The following CACNG8 variants were observed in gnomAD, a reference collection of about 807,000 sequenced individuals.
CACNG8 encodes the protein voltage-dependent calcium channel gamma-8 subunit.
In CACNG8, 5 loss-of-function variants were observed where a neutral mutation model predicts 26.9. The observed-to-expected ratio is 0.19, with a 90% CI of 0.10 to 0.39. The LOEUF (loss-of-function observed/expected upper bound fraction) is 0.39. CACNG8 is among the 10% of genes least tolerant of loss of function. CACNG8 has a pLI of 1.00. For missense variants in CACNG8, 473 were observed against 609.4 expected (o/e 0.78, Z 2.36); for synonymous variants, 321 against 296.7 (o/e 1.08, Z -0.84).
At chr19:53,978,757 A>G (rs954894348) in intron 2 of CACNG8, among the ~76,000 whole-genome samples, 1 of 141,738 alleles carries the variant, frequency 7.1e-6, no homozygotes, top group Non-Finnish European at 1.5e-5. Flanking sequence ...ACTGCAGAGA[A>G]AAAGAGGAGG....
At position 53,985,284 on chromosome 19, in the gene CACNG8, G is replaced by A. The variant is rs1040352215; in HGVS notation, c.*2435G>A. On this transcript the variant is annotated 3_prime_UTR_variant, in exon 4 of 4. Transcript: ENST00000270458. Reference sequence around the variant, plus strand: ...CGCAGCTTGAGGAGGACGTGGCAGCGGTGGTGCCATGCTGCCAGGGGCTCT... The same window carrying A: ...CGCAGCTTGAGGAGGACGTGGCAGCAGTGGTGCCATGCTGCCAGGGGCTCT... 3.0e-4 allele frequency: 45 copies of A among 151,990 alleles called. 2 individuals are homozygous for A. Among genetic ancestry groups the A allele is most frequent in the Non-Finnish European group, 1.5e-5 (1 of 68,078 alleles). 9.4% of individuals were successfully genotyped at this position (151,990 alleles called of 1,614,324 possible). A position where few individuals can be genotyped will look rare whatever the true frequency, so the allele number is the denominator to read the frequency against.
Position 53,982,528 on chromosome 19 carries a change from C to T in CACNG8, c.957C>T (p.Ala319=). 2 of 1,334,174 alleles carry T rather than the reference C, an allele frequency of 1.5e-6. No homozygotes were observed. Among genetic ancestry groups the T allele is most frequent in the Non-Finnish European group, 1.9e-6 (2 of 1,047,608 alleles). The allele number at this position is 1,334,174 out of a possible 1,614,324, so 82.6% of individuals were successfully genotyped here. Residue 319 remains alanine, a synonymous_variant, in exon 4 of 4, where the codon GCC becomes GCT. Transcript: ENST00000270458. The surrounding 1 kb of genome is among the most constrained non-coding windows in gnomAD (Gnocchi z 8.4). ...GCGACCCCTCCAAGGGCAGCGTGGCCGCGGGGCTGGCGGGGGCCGGCGGCG... is the reference window on the plus strand; with the variant it reads ...GCGACCCCTCCAAGGGCAGCGTGGCTGCGGGGCTGGCGGGGGCCGGCGGCG...
Position 53,980,258 on chromosome 19 carries a change from C to A in CACNG8, c.508+251C>A, listed in dbSNP as rs946975781. Among the ~76,000 whole-genome samples the A allele has an allele frequency of 2.0e-5, 3 of 151,964 alleles. No homozygotes were observed. The East Asian group carries it at 5.8e-4, about 30-fold the overall frequency. ...CTTCGGAGGAGTAAACCGACACAGG[C>A]AGGTGTCTGGCGCGTAAGACGCCGG... is the stretch of plus-strand genomic sequence containing the variant. On this transcript the variant is annotated intron_variant, in intron 3 of 3. Transcript: ENST00000270458.
chr19:53,973,788 T>C (rs2069315694), intron 1 of CACNG8, among the ~76,000 whole-genome samples: 1 of 152,080 alleles, frequency 6.6e-6, no homozygotes, highest in Middle Eastern at 3.4e-3. Flanking sequence ...ATCGAGCCAT[T>C]GCACTCCAGC....
In CACNG8 at chr19:53,984,527, A is replaced by T. The variant is rs1331809930; in HGVS notation, c.*1678A>T. ...GAAAGGCTTGTGGGGCCAAAGAACAACTTGGGTGAAAACGGGAGGAAGTGA... is the reference window on the plus strand; with the variant it reads ...GAAAGGCTTGTGGGGCCAAAGAACATCTTGGGTGAAAACGGGAGGAAGTGA... On this transcript the variant is annotated 3_prime_UTR_variant, in exon 4 of 4. Transcript: ENST00000270458. 1 of 152,380 alleles carries T rather than the reference A, an allele frequency of 6.6e-6. No individual in the cohort carries two copies. The highest frequency in any genetic ancestry group is 1.5e-5 in the Non-Finnish European group (1 of 68,116). 9.4% of individuals were successfully genotyped at this position (152,380 alleles called of 1,614,324 possible). A position where few individuals can be genotyped will look rare whatever the true frequency, so the allele number is the denominator to read the frequency against.
At chr19:53,971,836 C>T (rs1320282705) in intron 1 of CACNG8, among the ~76,000 whole-genome samples, 1 of 152,212 alleles carries the variant, frequency 6.6e-6, no homozygotes, top group Non-Finnish European at 1.5e-5. Flanking sequence ...GTCCGCACTG[C>T]AAGAAAGCTG....
chr19:53,974,425 T>C (rs1014005697), intron 1 of CACNG8, among the ~76,000 whole-genome samples: 2 of 152,184 alleles, frequency 1.3e-5, no homozygotes, highest in African/African-American at 4.8e-5. Context: ...CACGAGTGTA[T>C]GAATATCTAT....
At position 53,986,063 on chromosome 19, in the gene CACNG8, AAGAC is replaced by A. The variant is rs1396170253; in HGVS notation, c.*3217_*3220del. 2 of 152,542 alleles carry A rather than the reference AAGAC, an allele frequency of 1.3e-5. No homozygotes were observed. Among genetic ancestry groups the A allele is most frequent in the Non-Finnish European group, 1.5e-5 (1 of 68,172 alleles). The allele number at this position is 152,542 out of a possible 1,614,324, so 9.4% of individuals were successfully genotyped here. A position where few individuals can be genotyped will look rare whatever the true frequency, so the allele number is the denominator to read the frequency against. ...AGAGTCACAGACAGAGAAAAAGTCAAAGACAGGAAGGTGATACAGAGGAGAGAGA... is the reference window on the plus strand; with the variant it reads ...AGAGTCACAGACAGAGAAAAAGTCAAAGGAAGGTGATACAGAGGAGAGAGA... On this transcript the variant is annotated 3_prime_UTR_variant, in exon 4 of 4. Coordinates refer to ENST00000270458, the MANE Select transcript of CACNG8 (RefSeq NM_031895.6).
chr19:53,980,575 C>G (rs1408040230), intron 3 of CACNG8, among the ~76,000 whole-genome samples: 1 of 152,026 alleles, frequency 6.6e-6, no homozygotes, highest in Non-Finnish European at 1.5e-5. Flanking sequence ...CGGCCCTTGC[C>G]CGTGGCCATT....
intron 2 of CACNG8, among the ~76,000 whole-genome samples, chr19:53,978,432 T>G (rs1220452151): frequency 6.6e-6 from 1 of 152,096 alleles, no homozygotes; most frequent in Non-Finnish European, 1.5e-5. Context: ...CCCCCTCCTC[T>G]CACCTTGGGG....
chr19:53,975,241 C>A (rs1050202972), intron 1 of CACNG8, among the ~76,000 whole-genome samples: 2 of 152,184 alleles, frequency 1.3e-5, no homozygotes, highest in Non-Finnish European at 2.9e-5. Context: ...AGCTCCTGCG[C>A]CTGGCCTATT....
chr19:53,971,770 G>A (rs774444468), intron 1 of CACNG8, among the ~76,000 whole-genome samples: 4 of 152,212 alleles, frequency 2.6e-5, no homozygotes, highest in South Asian at 2.1e-4. Flanking sequence ...AAGTGGCTCA[G>A]CCTGGACTAC....
At chr19:53,978,341 G>T (rs933565577) in intron 2 of CACNG8, 112 bp downstream of exon 2, 2 of 732,508 alleles carry the variant, frequency 2.7e-6, no homozygotes, top group Non-Finnish European at 4.7e-6. Flanking sequence ...GGATCGACAC[G>T]CCGAGGTTAG....
rs985451560 is a variant in CACNG8 at position 53,985,347 on chromosome 19, C to T, written c.*2498C>T. The T allele has an allele frequency of 1.6e-4, 21 of 130,216 alleles. No individual in the cohort carries two copies. Among genetic ancestry groups the T allele is most frequent in the African/African-American group, 6.1e-4 (21 of 34,284 alleles). 8.1% of individuals were successfully genotyped at this position (130,216 alleles called of 1,614,324 possible). A position where few individuals can be genotyped will look rare whatever the true frequency, so the allele number is the denominator to read the frequency against. ...CTTGACGGAAGGGTACAGATCAGAG[C>T]TGGGTGTTCAGAATTTCTCTCCGAG... On this transcript the variant is annotated 3_prime_UTR_variant, in exon 4 of 4. Transcript: ENST00000270458.
chr19:53,977,094 G>A (rs1406908803), intron 1 of CACNG8, among the ~76,000 whole-genome samples: 1 of 152,200 alleles, frequency 6.6e-6, no homozygotes, highest in Non-Finnish European at 1.5e-5. Flanking sequence ...TACCGAGGAC[G>A]AAGAAGATCA....
intron 3 of CACNG8, among the ~76,000 whole-genome samples, chr19:53,980,821 A>T (rs576724741): frequency 6.6e-6 from 1 of 152,282 alleles, no homozygotes; most frequent in East Asian, 1.9e-4. Context: ...TCTACCCCGT[A>T]TGAGTAGCAT....
chr19:53,982,978 A>C lies in CACNG8; in HGVS notation c.*129A>C, dbSNP rs1568803461. On this transcript the variant is annotated 3_prime_UTR_variant, in exon 4 of 4. Coordinates refer to ENST00000270458, the MANE Select transcript of CACNG8 (RefSeq NM_031895.6). This position sits in a 1 kb window ranked among gnomAD's most constrained non-coding sequence, Gnocchi z 8.4. Reference sequence around the variant, plus strand: ...CGCTGGAGACTGCTGGGCCCGCCCCACGCCCACCCTCCCCGCCCCCCTCCC... The same window carrying C: ...CGCTGGAGACTGCTGGGCCCGCCCCCCGCCCACCCTCCCCGCCCCCCTCCC... The C allele has an allele frequency of 2.1e-6, 1 of 481,936 alleles. No individual in the cohort carries two copies. Among genetic ancestry groups the C allele is most frequent in the Non-Finnish European group, 3.0e-6 (1 of 333,176 alleles). The allele number at this position is 481,936 out of a possible 1,614,324, so 29.9% of individuals were successfully genotyped here.
Position 53,985,022 on chromosome 19 carries a change from A to T in CACNG8, c.*2173A>T, listed in dbSNP as rs2069398325. ...GAGGCTCTTCTAAGGATGGTGAGAG[A>T]GGATGACAGCTGCGCGGGGGCAAGG... is the stretch of plus-strand genomic sequence containing the variant. On this transcript the variant is annotated 3_prime_UTR_variant, in exon 4 of 4. Coordinates refer to ENST00000270458, the MANE Select transcript of CACNG8 (RefSeq NM_031895.6). 6.6e-6 allele frequency: 1 copy of T among 152,408 alleles called. No homozygotes were observed. The highest frequency in any genetic ancestry group is 6.6e-5 in the Admixed American group (1 of 15,260). 9.4% of individuals were successfully genotyped at this position (152,408 alleles called of 1,614,324 possible). A position where few individuals can be genotyped will look rare whatever the true frequency, so the allele number is the denominator to read the frequency against.
At chr19:53,963,453 C>A in intron 1 of CACNG8, 28 bp downstream of exon 1, 3 of 1,426,186 alleles carry the variant, frequency 2.1e-6, no homozygotes, top group South Asian at 3.0e-5. Context: ...CTCCCCGCAG[C>A]CCCCGCCGCT....
Sources: allele counts gnomAD v4.1 joint callset (sites outside exome capture counted in the v4.1 genomes callset), GRCh38; gene constraint gnomAD v4.1.1; non-coding constraint Gnocchi (gnomAD v3.1); transcripts MANE v1.5; gene names NCBI Gene and HGNC (gene_info 2026-07-23, HGNC 2026-07-21).